Variants in CNR1 observed in about 807,000 individuals in gnomAD.
CNR1 encodes the protein cannabinoid receptor 1 (brain).
CNR1 carries 10 observed loss-of-function variants against 23.0 expected under a neutral mutation model. The observed-to-expected ratio is 0.43, with a 90% CI of 0.27 to 0.74. The LOEUF is 0.74. CNR1 is among the 30% of genes least tolerant of loss of function. CNR1 has a pLI of 0.19. For missense variants in CNR1, 422 were observed against 618.8 expected (o/e 0.68, Z 3.37); for synonymous variants, 271 against 255.2 (o/e 1.06, Z -0.59).
intron 1 of CNR1, among the ~76,000 whole-genome samples, chr6:88,161,744 C>T (rs1342496075): frequency 6.6e-6 from 1 of 152,158 alleles, no homozygotes; most frequent in Non-Finnish European, 1.5e-5. Flanking sequence ...GTTGCTTGCT[C>T]TCACATCAAA....
At position 88,145,064 on chromosome 6, in the gene CNR1, C is replaced by G; in HGVS notation, c.211G>C (p.Val71Leu). The G allele has an allele frequency of 1.2e-6, 2 of 1,614,174 alleles. No individual in the cohort carries two copies. Among genetic ancestry groups the G allele is most frequent in the Non-Finnish European group, 1.7e-6 (2 of 1,180,028 alleles). The change falls in exon 2 of 2, where the codon GTC becomes CTC. Residue 71 changes from valine to leucine, a missense_variant. By Grantham distance (32) the Val-to-Leu change is conservative (BLOSUM62 1). Coordinates refer to ENST00000369501, the MANE Select transcript of CNR1 (RefSeq NM_016083.6). ...GTAATGTTCACCTGGTCTGCTGGGA[C>G]TAGCTGGGGGTTGTCTCCCGCAGTC... ...KMTAGDNPQL[V>L]PADQVNITEF...
chr6:88,145,312 G>C lies in CNR1; in HGVS notation c.-38C>G. ...TGATTAGGCTGAGCTCAAAATGACT[G>C]AGAAAGTGACCCACAGGGGGCAATC... On this transcript the variant is annotated 5_prime_UTR_variant, in exon 2 of 2. The change creates a premature stop within an existing upstream ORF in the 5' untranslated region. Coordinates refer to ENST00000369501, the MANE Select transcript of CNR1 (RefSeq NM_016083.6). 5 of 1,544,768 alleles carry C rather than the reference G, an allele frequency of 3.2e-6. No individual in the cohort carries two copies. The highest frequency in any genetic ancestry group is 4.4e-6 in the Non-Finnish European group (5 of 1,135,440).
Position 88,142,386 on chromosome 6 carries a change from G to GTCTTCCTTTTAGTGACTGTCCTTT in CNR1, c.*1469_*1470insAAAGGACAGTCACTAAAAGGAAGA, listed in dbSNP as rs1467762782. ...TGAAAAATGTTACCATTGTTTTTCT[G>GTCTTCCTTTTAGTGACTGTCCTTT]TAGAACTGTCTTCCTTTTAGTGACT... On this transcript the variant is annotated 3_prime_UTR_variant, in exon 2 of 2. Coordinates refer to ENST00000369501, the MANE Select transcript of CNR1 (RefSeq NM_016083.6). 2 of 152,304 alleles carry GTCTTCCTTTTAGTGACTGTCCTTT rather than the reference G, an allele frequency of 1.3e-5. No individual in the cohort carries two copies. The highest frequency in any genetic ancestry group is 2.4e-5 in the African/African-American group (1 of 41,448). The allele number at this position is 152,304 out of a possible 1,614,324, so 9.4% of individuals were successfully genotyped here.
At chr6:88,152,485 CA>C (rs1450735106) in intron 1 of CNR1, among the ~76,000 whole-genome samples, 1 of 152,220 alleles carries the variant, frequency 6.6e-6, no homozygotes, top group Non-Finnish European at 1.5e-5. Flanking sequence ...AGTGTGATCA[CA>C]ACTTCCCATT....
chr6:88,159,714 A>C (rs1777986906), intron 1 of CNR1, among the ~76,000 whole-genome samples: 1 of 152,208 alleles, frequency 6.6e-6, no homozygotes, highest in South Asian at 2.1e-4. Flanking sequence ...TTATATGTTA[A>C]ATTGTCTAGC....
At chr6:88,157,804 G>A (rs1777881290) in intron 1 of CNR1, among the ~76,000 whole-genome samples, 1 of 151,986 alleles carries the variant, frequency 6.6e-6, no homozygotes, top group Admixed American at 6.6e-5. Flanking sequence ...TGATGAAAAA[G>A]AACAGAAAAT....
intron 1 of CNR1, among the ~76,000 whole-genome samples, chr6:88,152,713 A>G (rs1266439179): frequency 6.6e-6 from 1 of 152,250 alleles, no homozygotes; most frequent in African/African-American, 2.4e-5. Flanking sequence ...TAATGGGATC[A>G]TGGCAGGAAA....
chr6:88,153,852 T>C (rs974846313), intron 1 of CNR1, among the ~76,000 whole-genome samples: 3 of 152,356 alleles, frequency 2.0e-5, no homozygotes, highest in African/African-American at 7.2e-5. Context: ...ACTTGATGAA[T>C]GATGTTTCCA....
At chr6:88,147,146 TA>T (rs896371348) in intron 1 of CNR1, among the ~76,000 whole-genome samples, 4 of 151,918 alleles carry the variant, frequency 2.6e-5, no homozygotes, top group African/African-American at 7.3e-5. Context: ...AAAAGAAATT[TA>T]AAAAAATTTT....
intron 1 of CNR1, among the ~76,000 whole-genome samples, chr6:88,148,752 G>A (rs1299383829): frequency 6.6e-6 from 1 of 152,178 alleles, no homozygotes; most frequent in Admixed American, 6.5e-5. Flanking sequence ...AGGCAAACAA[G>A]AATATTGGCA....
intron 1 of CNR1, among the ~76,000 whole-genome samples, chr6:88,154,105 A>T (rs1777670413): frequency 6.6e-6 from 1 of 152,212 alleles, no homozygotes; most frequent in African/African-American, 2.4e-5. Context: ...ATTGGCTCTC[A>T]TACCTTCAGT....
chr6:88,148,735 T>C (rs1356012339), intron 1 of CNR1, among the ~76,000 whole-genome samples: 1 of 152,164 alleles, frequency 6.6e-6, no homozygotes, highest in East Asian at 1.9e-4. Context: ...CAACTTTGGC[T>C]ACAGAGAGGC....
Position 88,145,191 on chromosome 6 carries a change from A to C in CNR1, c.84T>G (p.Ile28Met). Reference protein sequence around the residue: ...TDLLYVGSNDIQYEDIKGDMA... With the variant: ...TDLLYVGSNDMQYEDIKGDMA... ...TGTCACCTTTGATGTCTTCGTACTG[A>C]ATGTCATTTGAGCCCACGTACAGGA... is the stretch of plus-strand genomic sequence containing the variant. The change falls in exon 2 of 2, where the codon ATT (isoleucine) becomes ATG (methionine). Residue 28 changes from isoleucine (I) to methionine (M), a missense_variant. Transcript: ENST00000369501. 6.2e-7 allele frequency: 1 copy of C among 1,614,158 alleles called. No homozygotes were observed. The highest frequency in any genetic ancestry group is 1.1e-5 in the South Asian group (1 of 91,076).
intron 1 of CNR1, among the ~76,000 whole-genome samples, chr6:88,150,891 A>G (rs1222209465): frequency 6.6e-6 from 1 of 152,252 alleles, no homozygotes; most frequent in Non-Finnish European, 1.5e-5. Flanking sequence ...TTGACTCCTG[A>G]GAACTTTTTC....
intron 1 of CNR1, among the ~76,000 whole-genome samples, chr6:88,146,784 C>A (rs1777212593): frequency 6.6e-6 from 1 of 152,146 alleles, no homozygotes. Flanking sequence ...TGAAACATAT[C>A]ACACTGTATG....
At chr6:88,150,203 T>G (rs556215336) in intron 1 of CNR1, among the ~76,000 whole-genome samples, 26 of 152,332 alleles carry the variant, frequency 1.7e-4, no homozygotes, top group Non-Finnish European at 2.9e-4. Flanking sequence ...AACTCCCCCT[T>G]TACACTTTCC....
intron 1 of CNR1, among the ~76,000 whole-genome samples, chr6:88,165,103 C>A (rs1778302317): frequency 1.3e-5 from 2 of 152,194 alleles, no homozygotes; most frequent in Non-Finnish European, 2.9e-5. Flanking sequence ...CTATTAAAAT[C>A]AGAAACATGC....
At chr6:88,152,146 C>T (rs552761703) in intron 1 of CNR1, among the ~76,000 whole-genome samples, 15 of 142,456 alleles carry the variant, frequency 1.1e-4, no homozygotes, top group African/African-American at 2.6e-4. Context: ...ACCCGGGAGG[C>T]GGAGCTTGCA....
At position 88,145,327 on chromosome 6, in the gene CNR1, AG is replaced by A. The variant is rs1323411934; in HGVS notation, c.-54del. The A allele has an allele frequency of 1.4e-5, 20 of 1,449,116 alleles. No homozygotes were observed. Among genetic ancestry groups the A allele is most frequent in the Non-Finnish European group, 1.8e-5 (19 of 1,054,756 alleles). 89.8% of individuals were successfully genotyped at this position (1,449,116 alleles called of 1,614,324 possible). ...CAAAATGACTGAGAAAGTGACCCAC[AG>A]GGGGCAATCCTAAGAGGAGGGAAAA... is the stretch of plus-strand genomic sequence containing the variant. On this transcript the variant is annotated 5_prime_UTR_variant, in exon 2 of 2. The change creates a premature stop within an existing upstream ORF in the 5' untranslated region. Transcript: ENST00000369501.
Sources: allele counts gnomAD v4.1 joint callset (sites outside exome capture counted in the v4.1 genomes callset), GRCh38; gene constraint gnomAD v4.1.1; transcripts MANE v1.5; gene names NCBI Gene and HGNC (gene_info 2026-07-23, HGNC 2026-07-21).